Variants in IQSEC1 observed in about 807,000 individuals in gnomAD.
IQSEC1 encodes the protein IQ motif and Sec7 domain ArfGEF 1.
IQSEC1 carries 31 observed loss-of-function variants against 91.0 expected under a neutral mutation model. The observed-to-expected ratio is 0.34, with a 90% CI of 0.26 to 0.46. IQSEC1 has a LOEUF of 0.46. IQSEC1 is among the 20% of genes least tolerant of loss of function. The probability of loss-of-function intolerance (pLI) is 1.00; values close to 1 mark genes in which losing one functional copy is unlikely to be tolerated. For missense variants in IQSEC1, 1,388 were observed against 1,575.6 expected, an observed-to-expected ratio of 0.88 and a Z score of 2.02; for synonymous variants, 699 against 662.6, an observed-to-expected ratio of 1.05 and a Z score of -0.84.
intron 1 of IQSEC1, among the ~76,000 whole-genome samples, chr3:13,258,088 G>A (rs1313830901): frequency 2.0e-5 from 3 of 152,232 alleles, no homozygotes; most frequent in Admixed American, 6.5e-5. Flanking sequence ...GGATGAACAG[G>A]CAGAGCACAG....
At chr3:13,001,843 G>C (rs949426825) in intron 1 of IQSEC1, among the ~76,000 whole-genome samples, 2 of 152,186 alleles carry the variant, frequency 1.3e-5, no homozygotes, top group Non-Finnish European at 2.9e-5. Context: ...CGGATCACCT[G>C]AGGTCAGGAG....
intron 1 of IQSEC1, chr3:12,995,122 C>A (rs1325572889): frequency 1.3e-5 from 2 of 152,226 alleles, no homozygotes. Context: ...TGGCGGGCTG[C>A]GATTGGGACG....
At chr3:13,121,127 C>G (rs1204772253) in intron 2 of IQSEC1, among the ~76,000 whole-genome samples, 1 of 152,224 alleles carries the variant, frequency 6.6e-6, no homozygotes, top group Non-Finnish European at 1.5e-5. Context: ...CTATGCTGTA[C>G]CTGCCCACAC....
At chr3:13,112,971 G>T (rs1293339368) in intron 2 of IQSEC1, among the ~76,000 whole-genome samples, 1 of 152,246 alleles carries the variant, frequency 6.6e-6, no homozygotes, top group Non-Finnish European at 1.5e-5. Flanking sequence ...TGATTAAAAA[G>T]CGGCTGGCGC....
chr3:13,234,713 C>G (rs778825313), intron 1 of IQSEC1, among the ~76,000 whole-genome samples: 1 of 152,184 alleles, frequency 6.6e-6, no homozygotes, highest in Non-Finnish European at 1.5e-5. Context: ...ATCGGATTTT[C>G]TTCCCTTTCC....
rs574926021 is a variant in IQSEC1 at position 13,216,450 on chromosome 3, G to C, written c.273-52317C>G. Among the ~76,000 whole-genome samples, 54 of 152,260 alleles carry C rather than the reference G, an allele frequency of 3.5e-4. 1 individual carries two copies. The highest frequency in any genetic ancestry group is 2.6e-4 in the Admixed American group (4 of 15,300). On this transcript the variant is annotated intron_variant, in intron 1 of 15. Transcript: ENST00000648114. ...GCTTACAGAGGGCAGGTGAGGGCAG[G>C]GAGCCCCCCAGAGACACACCCAGGG...
chr3:13,109,430 C>T (rs960593436), intron 2 of IQSEC1, among the ~76,000 whole-genome samples: 64 of 152,164 alleles, frequency 4.2e-4, no homozygotes, highest in Admixed American at 1.3e-4. Flanking sequence ...TGCCACTCCC[C>T]GGGTCCAAAA....
intron 1 of IQSEC1, among the ~76,000 whole-genome samples, chr3:13,185,856 G>A (rs1693922017): frequency 6.6e-6 from 1 of 152,258 alleles, no homozygotes; most frequent in African/African-American, 2.4e-5. Context: ...GGATGCCACT[G>A]GCTGGCCCAC....
At chr3:13,134,382 G>GGGT (rs1194179194) in intron 2 of IQSEC1, among the ~76,000 whole-genome samples, 2 of 152,350 alleles carry the variant, frequency 1.3e-5, no homozygotes, top group East Asian at 3.9e-4. Context: ...AAGGAGCATG[G>GGGT]GGTGGTAAGG....
chr3:13,154,693 A>G (rs1320303171), intron 2 of IQSEC1, among the ~76,000 whole-genome samples: 1 of 151,176 alleles, frequency 6.6e-6, no homozygotes, highest in Non-Finnish European at 1.5e-5. Context: ...GTGGATGTGG[A>G]CTTTCTCCAG....
rs188151275 is a variant in IQSEC1, at chr3:13,090,848, G to A, written c.303-43326C>T. Among the ~76,000 whole-genome samples, 70 of 152,244 alleles carry A rather than the reference G, an allele frequency of 4.6e-4. 1 individual carries two copies. The highest frequency in any genetic ancestry group is 1.5e-3 in the African/African-American group (63 of 41,538). ...CCTTGAGCTCAGAAGGACCTCAGCC[G>A]GGGACACTCAGGCACAGACAGGCTG... On this transcript the variant is annotated intron_variant, in intron 2 of 15. Transcript: ENST00000648114.
At chr3:13,160,382 G>C (rs957024884) in intron 2 of IQSEC1, among the ~76,000 whole-genome samples, 2 of 152,054 alleles carry the variant, frequency 1.3e-5, no homozygotes, top group South Asian at 2.1e-4. Context: ...GCTAGTCTTG[G>C]ACTCCTGGCC....
chr3:13,022,156 C>T, intron 1 of IQSEC1: 7 of 1,231,838 alleles, frequency 5.7e-6, no homozygotes, highest in South Asian at 4.1e-5. Context: ...TGCCCCACCA[C>T]CCAGAGTCTC....
chr3:13,188,355 C>T (rs1693967975), intron 1 of IQSEC1, among the ~76,000 whole-genome samples: 1 of 152,178 alleles, frequency 6.6e-6, no homozygotes, highest in South Asian at 2.1e-4. Flanking sequence ...CTATCAGAGC[C>T]CTGCACTCCA....
In IQSEC1 at chr3:12,908,326, G is replaced by C. The variant is rs780718107; in HGVS notation, c.2755+23C>G. 84 of 1,609,172 alleles carry C rather than the reference G, an allele frequency of 5.2e-5. No individual in the cohort carries two copies. Among genetic ancestry groups the C allele is most frequent in the Non-Finnish European group, 5.4e-5 (64 of 1,178,776 alleles). On this transcript the variant is annotated intron_variant, in intron 12 of 13. Transcript: ENST00000613206. The surrounding 1 kb of genome is among the most constrained non-coding windows in gnomAD (Gnocchi z 4.9). Reference sequence around the variant, plus strand: ...GTCTTGCATGCGCTGGGCTAGCAAGGTGGTTCTAGGCCAAGCTCTTACCGG... The same window carrying C: ...GTCTTGCATGCGCTGGGCTAGCAAGCTGGTTCTAGGCCAAGCTCTTACCGG...
chr3:13,074,108 T>C (rs1258912241), upstream of IQSEC1, among the ~76,000 whole-genome samples: 5 of 152,132 alleles, frequency 3.3e-5, no homozygotes, highest in Admixed American at 1.3e-4. Flanking sequence ...TGTGCAGATA[T>C]AGGATTGCAC....
chr3:13,109,887 T>TC, intron 2 of IQSEC1, among the ~76,000 whole-genome samples: 1 of 148,742 alleles, frequency 6.7e-6, no homozygotes, highest in South Asian at 2.2e-4. Flanking sequence ...ATAAATTCTT[T>TC]TTTTTTTTTT....
chr3:12,982,326 C>T (rs1163860887), intron 1 of IQSEC1, among the ~76,000 whole-genome samples: 1 of 152,186 alleles, frequency 6.6e-6, no homozygotes. Context: ...TGATATCTAT[C>T]ATCATTTACC....
At chr3:13,152,000 CAA>C (rs1183639021) in intron 2 of IQSEC1, among the ~76,000 whole-genome samples, 4 of 151,932 alleles carry the variant, frequency 2.6e-5, no homozygotes, top group African/African-American at 9.7e-5. Context: ...AAAACAAAAA[CAA>C]AAAAAGAGAG....
Sources: gnomAD v4.1 joint callset for allele counts (sites outside exome capture counted in the v4.1 genomes callset) on GRCh38, gnomAD v4.1.1 for gene constraint, Gnocchi (gnomAD v3.1) non-coding constraint, MANE v1.5 for transcripts, NCBI Gene and HGNC (gene_info 2026-07-23, HGNC 2026-07-21) for gene names.